MYO1D: variants seen among roughly 807,000 people sequenced by gnomAD.
The protein encoded by MYO1D is myosin ID, also known as unconventional myosin-Id.
In MYO1D, 83 loss-of-function variants were observed where a neutral mutation model predicts 122.0. That is an observed-to-expected ratio of 0.68 (90% CI 0.57 to 0.82). The LOEUF is 0.82. Among genes scored for constraint, MYO1D ranks in the 40% least tolerant of loss-of-function variants. The pLI is 0.00. For synonymous variants in MYO1D, 464 were observed against 446.9 expected (o/e 1.04, Z -0.48); for missense variants, 1,157 against 1,269.5 (o/e 0.91, Z 1.35).
At chr17:32,714,264 G>T (rs2089414906) in intron 15 of MYO1D, among the ~76,000 whole-genome samples, 1 of 124,356 alleles carries the variant, frequency 8.0e-6, no homozygotes, top group African/African-American at 3.1e-5. Flanking sequence ...TATTCACCCC[G>T]ATATGTCCAC....
At position 32,671,646 on chromosome 17, in the gene MYO1D, T is replaced by C. The variant is rs1472531878; in HGVS notation, c.2122-12308A>G. ...TTTGAATTTTCTTCTAAGGAGTTTGTTGTACTTGTGCTTTCTGAATATTGG... is the reference window on the plus strand; with the variant it reads ...TTTGAATTTTCTTCTAAGGAGTTTGCTGTACTTGTGCTTTCTGAATATTGG... On this transcript the variant is annotated intron_variant, in intron 16 of 21. Transcript: ENST00000318217. 2.0e-5 allele frequency among the ~76,000 whole-genome samples: 3 copies of C among 152,216 alleles called. No individual in the cohort carries two copies. In the East Asian group the frequency reaches 5.8e-4, roughly 29 times the overall value.
chr17:32,719,104 T>G (rs1427622911), intron 15 of MYO1D, among the ~76,000 whole-genome samples: 1 of 152,184 alleles, frequency 6.6e-6, no homozygotes, highest in African/African-American at 2.4e-5. Flanking sequence ...TTTACCCAAT[T>G]TTATCTCAGC....
intron 1 of MYO1D, among the ~76,000 whole-genome samples, chr17:32,823,315 T>G (rs1286579131): frequency 6.6e-6 from 1 of 152,140 alleles, no homozygotes; most frequent in Non-Finnish European, 1.5e-5. Flanking sequence ...CTGATGACAC[T>G]ACGCAGCTAC....
At chr17:32,717,379 A>G (rs759550929) in intron 15 of MYO1D, among the ~76,000 whole-genome samples, 15 of 152,332 alleles carry the variant, frequency 9.8e-5, no homozygotes, top group Non-Finnish European at 1.9e-4. Context: ...TTATCACTAA[A>G]GACTTCTTCC....
chr17:32,688,165 G>C (rs2089044582), intron 16 of MYO1D, among the ~76,000 whole-genome samples: 1 of 152,162 alleles, frequency 6.6e-6, no homozygotes, highest in Non-Finnish European at 1.5e-5. Context: ...CAATCCCTGA[G>C]ATTTGCCTTC....
chr17:32,634,386 C>A (rs2088068232), intron 20 of MYO1D, among the ~76,000 whole-genome samples: 1 of 152,180 alleles, frequency 6.6e-6, no homozygotes, highest in East Asian at 1.9e-4. Flanking sequence ...GGAAAGCCAG[C>A]AGTTCATGGT....
intron 1 of MYO1D, among the ~76,000 whole-genome samples, chr17:32,797,062 C>G (rs1337823355): frequency 6.6e-6 from 1 of 151,998 alleles, no homozygotes; most frequent in Non-Finnish European, 1.5e-5. Flanking sequence ...CCTCTGCCTC[C>G]CAGGTTCAAG....
intron 1 of MYO1D, among the ~76,000 whole-genome samples, chr17:32,795,346 C>T (rs1482208034): frequency 6.6e-6 from 1 of 152,078 alleles, no homozygotes; most frequent in Admixed American, 6.5e-5. Context: ...AGAACACATA[C>T]TTCATTGCCC....
intron 16 of MYO1D, among the ~76,000 whole-genome samples, chr17:32,706,789 C>T (rs1309663189): frequency 3.3e-5 from 5 of 152,184 alleles, no homozygotes; most frequent in East Asian, 1.9e-4. Context: ...CTCCGCCTCC[C>T]GGGTTCACGC....
intron 21 of MYO1D, chr17:32,518,382 A>C (rs1909973753): frequency 6.6e-6 from 1 of 152,240 alleles, no homozygotes; most frequent in East Asian, 1.9e-4. Flanking sequence ...AAAAGTACAG[A>C]CTGCAATGGA....
At chr17:32,600,919 A>G (rs1318424629) in intron 21 of MYO1D, among the ~76,000 whole-genome samples, 1 of 149,118 alleles carries the variant, frequency 6.7e-6, no homozygotes, top group Non-Finnish European at 1.5e-5. Context: ...TGCGTTCCTC[A>G]CTAAGCTTAA....
chr17:32,726,237 G>A (rs1313608659), intron 14 of MYO1D, among the ~76,000 whole-genome samples: 1 of 152,062 alleles, frequency 6.6e-6, no homozygotes, highest in African/African-American at 2.4e-5. Context: ...TGGCCAACAT[G>A]GTGAAACCCC....
intron 1 of MYO1D, among the ~76,000 whole-genome samples, chr17:32,873,861 G>A (rs2091204184): frequency 1.3e-5 from 2 of 152,186 alleles, no homozygotes; most frequent in Admixed American, 1.3e-4. Flanking sequence ...ATGATGTGGA[G>A]ATTGGGTATA....
At position 32,731,577 on chromosome 17, in the gene MYO1D, G is replaced by A. The variant is rs529913963; in HGVS notation, c.1746+6676C>T. On this transcript the variant is annotated intron_variant, in intron 14 of 21. Coordinates refer to ENST00000318217, the MANE Select transcript of MYO1D (RefSeq NM_015194.3). The stretch of plus-strand genomic sequence containing the variant: ...GAGCTAATTTTCCTTAGAGCTTTGT[G>A]GAAATTCTTTAAGGTCTGGTATTGG... Among the ~76,000 whole-genome samples, 10 of 152,284 alleles carry A rather than the reference G, an allele frequency of 6.6e-5. No homozygotes were observed. In the Middle Eastern group the frequency reaches 0.01, roughly 155 times the overall value.
chr17:32,865,542 T>C (rs2091116406), intron 1 of MYO1D, among the ~76,000 whole-genome samples: 1 of 152,248 alleles, frequency 6.6e-6, no homozygotes, highest in South Asian at 2.1e-4. Context: ...ATCCATCTAT[T>C]CCAGGAGGTT....
At chr17:32,604,938 T>C (rs2087607756) in intron 21 of MYO1D, 149 bp downstream of exon 21, 1 of 725,368 alleles carries the variant, frequency 1.4e-6, no homozygotes, top group Non-Finnish European at 2.0e-6. Context: ...ATGCTAATTT[T>C]ACCTTCTGCG....
At chr17:32,594,514 T>C (rs1440356688) in intron 21 of MYO1D, 1 of 606,750 alleles carries the variant, frequency 1.6e-6, no homozygotes, top group Non-Finnish European at 3.0e-6. Context: ...TGGGCCTGTT[T>C]ATGTAGAATC....
chr17:32,520,844 A>G (rs1186049104), intron 21 of MYO1D, among the ~76,000 whole-genome samples: 1 of 152,264 alleles, frequency 6.6e-6, no homozygotes, highest in African/African-American at 2.4e-5. Flanking sequence ...AACTGCTGTT[A>G]TTCCTGCATT....
rs1321358823 is a variant in MYO1D at position 32,560,547 on chromosome 17, A to C, written c.2864+44540T>G. 7.6e-3 allele frequency among the ~76,000 whole-genome samples: 775 copies of C among 102,176 alleles called. 69 individuals carry two copies. The highest frequency in any genetic ancestry group is 0.022 in the African/African-American group (593 of 26,778). 67.0% of individuals were successfully genotyped at this position (102,176 alleles called of 152,430 possible). On this transcript the variant is annotated intron_variant, in intron 21 of 21. Transcript: ENST00000318217. ...AGACAACATATATATATATATATAT[A>C]TATATATATATATATATATATATAT...
Sources: gnomAD v4.1 joint callset for allele counts (sites outside exome capture counted in the v4.1 genomes callset) on GRCh38, gnomAD v4.1.1 for gene constraint, MANE v1.5 for transcripts, NCBI Gene and HGNC (gene_info 2026-07-23, HGNC 2026-07-21) for gene names.